Variants in CC2D2B observed in about 807,000 individuals in gnomAD.
CC2D2B encodes protein CC2D2B.
In CC2D2B, 128 loss-of-function variants were observed where a neutral mutation model predicts 161.2. The ratio of observed to expected loss-of-function variants is 0.79; its 90% confidence interval spans 0.69 to 0.92. The LOEUF (loss-of-function observed/expected upper bound fraction) is 0.92, where lower values mean the gene tolerates loss of function less well. Among genes scored for constraint, CC2D2B ranks in the 40% least tolerant of loss-of-function variants. CC2D2B has a pLI of 0.00. For synonymous variants in CC2D2B, 391 were observed against 449.8 expected (o/e 0.87, Z 1.65); for missense variants, 1,173 against 1,375.1 (o/e 0.85, Z 2.32).
chr10:96,005,653 A>C (rs959545036), intron 25 of CC2D2B, among the ~76,000 whole-genome samples: 2 of 151,864 alleles, frequency 1.3e-5, no homozygotes, highest in South Asian at 2.1e-4. Flanking sequence ...CCCTTTCTTC[A>C]GTTATGTATT....
rs908205772 is a variant in CC2D2B at position 96,012,380 on chromosome 10, T to C, written c.3228+13T>C. The stretch of plus-strand genomic sequence containing the variant: ...AACACTAGATAAGGTAGGTTTTACA[T>C]TGAATTTCTTTTATATATACCATCA... On this transcript the variant is annotated intron_variant, in intron 27 of 34. Coordinates refer to ENST00000646931, the MANE Select transcript of CC2D2B (RefSeq NM_001349008.3). 8.8e-6 allele frequency: 6 copies of C among 680,250 alleles called. No individual in the cohort carries two copies. The highest frequency in any genetic ancestry group is 1.6e-5 in the Non-Finnish European group (6 of 382,012). The allele number at this position is 680,250 out of a possible 1,614,324, so 42.1% of individuals were successfully genotyped here. A position where few individuals can be genotyped will look rare whatever the true frequency, so the allele number is the denominator to read the frequency against.
intron 30 of CC2D2B, among the ~76,000 whole-genome samples, chr10:96,017,506 G>A (rs1243936806): frequency 6.6e-6 from 1 of 152,190 alleles, no homozygotes. Flanking sequence ...TGGGGTTAAG[G>A]TAAAGCCTCC....
At chr10:95,977,897 TA>T (rs1283501233) in intron 17 of CC2D2B, among the ~76,000 whole-genome samples, 1 of 152,186 alleles carries the variant, frequency 6.6e-6, no homozygotes, top group African/African-American at 2.4e-5. Context: ...GAAAGTGGAA[TA>T]AAGGTTACCA....
intron 15 of CC2D2B, among the ~76,000 whole-genome samples, chr10:95,969,492 G>T (rs2077048924): frequency 6.6e-6 from 1 of 151,782 alleles, no homozygotes; most frequent in South Asian, 2.1e-4. Context: ...CTAAAAATGG[G>T]GTTAAACTTA....
At chr10:95,983,232 A>G (rs574410227) in intron 18 of CC2D2B, among the ~76,000 whole-genome samples, 1 of 152,366 alleles carries the variant, frequency 6.6e-6, no homozygotes, top group Admixed American at 6.5e-5. Flanking sequence ...TGCTGCAAGT[A>G]AACTCCCTAG....
Position 95,940,940 on chromosome 10 carries a change from A to T in CC2D2B, c.801+2015A>T, listed in dbSNP as rs1317929353. Among the ~76,000 whole-genome samples, 6 of 152,286 alleles carry T rather than the reference A, an allele frequency of 3.9e-5. No homozygotes were observed. In the East Asian group the frequency reaches 1.2e-3, roughly 29 times the overall value. On this transcript the variant is annotated intron_variant, in intron 9 of 34. Coordinates refer to ENST00000646931, the MANE Select transcript of CC2D2B (RefSeq NM_001349008.3). ...GAAGCTTTATATTCCTGACTTCAAA[A>T]TATATTACAAAGCTACATTAATCAA...
chr10:95,993,959 T>C (rs2078121512), intron 22 of CC2D2B, among the ~76,000 whole-genome samples: 2 of 24,354 alleles, frequency 8.2e-5, no homozygotes, highest in African/African-American at 1.8e-4. Flanking sequence ...TGTGTATATA[T>C]ATATATATAT....
chr10:95,967,128 C>T (rs183999661), intron 14 of CC2D2B, among the ~76,000 whole-genome samples: 5 of 152,220 alleles, frequency 3.3e-5, no homozygotes, highest in African/African-American at 1.2e-4. Context: ...ACATTAACAA[C>T]CAAAAGGGCA....
At chr10:96,010,264 A>G (rs1006308072) in intron 26 of CC2D2B, among the ~76,000 whole-genome samples, 1 of 152,128 alleles carries the variant, frequency 6.6e-6, no homozygotes, top group Non-Finnish European at 1.5e-5. Context: ...GCTTGTCAAC[A>G]CTGTTTATTG....
At chr10:95,914,830 A>G (rs1464052556) in intron 2 of CC2D2B, among the ~76,000 whole-genome samples, 1 of 152,178 alleles carries the variant, frequency 6.6e-6, no homozygotes, top group Non-Finnish European at 1.5e-5. Context: ...GAATGGACTA[A>G]TAGAGTCAGG....
At chr10:95,921,768 C>T (rs1242926607) in intron 2 of CC2D2B, among the ~76,000 whole-genome samples, 4 of 125,522 alleles carry the variant, frequency 3.2e-5, no homozygotes, top group Admixed American at 9.2e-5. Context: ...AGACATGGGG[C>T]GGGGCACATC....
At chr10:95,983,478 A>G in intron 18 of CC2D2B, 128 bp from the exon 19 acceptor site, 1 of 398,208 alleles carries the variant, frequency 2.5e-6, no homozygotes. Flanking sequence ...GTTCTAGACT[A>G]CAAATTCAGT....
In CC2D2B at chr10:95,972,338, T is replaced by G. The variant is rs1451513089; in HGVS notation, c.1795+122T>G. ...ATTTACAATATTCTTTTTTGTTTGT[T>G]TGTTTGTTTGAGACAGAATCTCACC... On this transcript the variant is annotated intron_variant, in intron 16 of 34. Coordinates refer to ENST00000646931, the MANE Select transcript of CC2D2B (RefSeq NM_001349008.3). 3 of 698,884 alleles carry G rather than the reference T, an allele frequency of 4.3e-6. No homozygotes were observed. In the African/African-American group the frequency reaches 5.6e-5, roughly 13 times the overall value. The allele number at this position is 698,884 out of a possible 1,614,324, so 43.3% of individuals were successfully genotyped here.
At chr10:96,025,172 T>TA (rs1564683838) in intron 33 of CC2D2B, among the ~76,000 whole-genome samples, 1 of 17,626 alleles carries the variant, frequency 5.7e-5, no homozygotes, top group African/African-American at 2.1e-4. Flanking sequence ...TATATATATA[T>TA]ATATATATAT....
intron 25 of CC2D2B, among the ~76,000 whole-genome samples, chr10:96,008,681 T>C (rs1283620758): frequency 1.3e-5 from 2 of 152,156 alleles, no homozygotes. Flanking sequence ...AAATATTTAT[T>C]TGCCATTTAT....
Position 95,963,414 on chromosome 10 carries a change from C to T in CC2D2B, c.1250+1445C>T, listed in dbSNP as rs114117215. 2.6e-3 allele frequency among the ~76,000 whole-genome samples: 392 copies of T among 151,950 alleles called. 1 individual carries two copies. The highest frequency in any genetic ancestry group is 9.0e-3 in the African/African-American group (374 of 41,434). The stretch of plus-strand genomic sequence containing the variant: ...AGACACTGAGCTCAGGTTATCATTT[C>T]GTCATGTATTTGGTTTGGGGCATGT... On this transcript the variant is annotated intron_variant, in intron 12 of 34. Coordinates refer to ENST00000646931, the MANE Select transcript of CC2D2B (RefSeq NM_001349008.3).
At chr10:95,967,252 T>C (rs1375289594) in intron 14 of CC2D2B, among the ~76,000 whole-genome samples, 3 of 152,118 alleles carry the variant, frequency 2.0e-5, no homozygotes, top group East Asian at 1.9e-4. Context: ...AGATACTTTA[T>C]TATGTAGGAC....
At chr10:95,983,576 T>A in intron 18 of CC2D2B, 30 bp from the exon 19 acceptor site, 1 of 1,091,422 alleles carries the variant, frequency 9.2e-7, no homozygotes, top group Non-Finnish European at 1.2e-6. Context: ...AAAAAATTAA[T>A]ATTTTAACTA....
At chr10:96,012,078 G>T (rs750482376) in intron 26 of CC2D2B, 107 bp from the exon 27 acceptor site, 2 of 532,556 alleles carry the variant, frequency 3.8e-6, no homozygotes, top group Non-Finnish European at 6.7e-6. Flanking sequence ...GCCCGTTCAC[G>T]CAAGCAAGCA....
Sources: gnomAD v4.1 joint callset for allele counts (sites outside exome capture counted in the v4.1 genomes callset) on GRCh38, gnomAD v4.1.1 for gene constraint, MANE v1.5 for transcripts, NCBI Gene and HGNC (gene_info 2026-07-23, HGNC 2026-07-21) for gene names.